Variants in ROBO2 observed in about 807,000 individuals in gnomAD.
The protein encoded by ROBO2 is roundabout homolog 2.
ROBO2 carries 53 observed loss-of-function variants against 160.8 expected under a neutral mutation model. The observed-to-expected ratio is 0.33, with a 90% CI of 0.26 to 0.41. The LOEUF (loss-of-function observed/expected upper bound fraction) is 0.41, where lower values mean the gene tolerates loss of function less well. ROBO2 is among the 10% of genes least tolerant of loss of function. The pLI is 1.00. For synonymous variants in ROBO2, 664 were observed against 611.7 expected, an observed-to-expected ratio of 1.09 and a Z score of -1.26; for missense variants, 1,577 against 1,722.4, an observed-to-expected ratio of 0.92 and a Z score of 1.49.
intron 2 of ROBO2, among the ~76,000 whole-genome samples, chr3:76,298,535 A>T (rs2107730809): frequency 6.6e-6 from 1 of 152,338 alleles, no homozygotes; most frequent in East Asian, 1.9e-4. Flanking sequence ...TAGATTCTAC[A>T]TCTTGGCACT....
chr3:76,924,304 CG>C (rs773385815), intron 2 of ROBO2, among the ~76,000 whole-genome samples: 1 of 152,120 alleles, frequency 6.6e-6, no homozygotes, highest in South Asian at 2.1e-4. Flanking sequence ...GATGAGAACA[CG>C]GGGGCGGCAT....
rs555881864 is a variant in ROBO2 at position 77,644,685 on chromosome 3, G to A, written c.3935-19G>A. 16 of 1,613,002 alleles carry A rather than the reference G, an allele frequency of 9.9e-6. No homozygotes were observed. The South Asian group carries it at 1.3e-4, about 13-fold the overall frequency. On this transcript the variant is annotated intron_variant, in intron 24 of 25. Transcript: ENST00000461745. ...ATGTTTCTGTTCAATTTAGCCTTTG[G>A]GTTTTTTTTCTTTTTCAGAGGAGGC...
At chr3:75,911,719 G>A (rs1295812535) in intron 1 of ROBO2, among the ~76,000 whole-genome samples, 7 of 151,464 alleles carry the variant, frequency 4.6e-5, no homozygotes, top group Non-Finnish European at 1.0e-4. Context: ...CACCATGCCC[G>A]GCTAATTTTT....
chr3:77,595,020 T>C, intron 17 of ROBO2, 122 bp from the exon 19 acceptor site: 1 of 742,442 alleles, frequency 1.3e-6, no homozygotes, highest in Admixed American at 2.2e-5. Flanking sequence ...ATGTTAATTA[T>C]ATTTTGTTAA....
chr3:77,609,937 T>C (rs2153697439), intron 21 of ROBO2, among the ~76,000 whole-genome samples: 1 of 150,684 alleles, frequency 6.6e-6, no homozygotes, highest in East Asian at 1.9e-4. Context: ...CAGTCAGTAA[T>C]ATTGACAACA....
At chr3:77,252,395 C>T (rs2090443025) in intron 2 of ROBO2, among the ~76,000 whole-genome samples, 1 of 152,030 alleles carries the variant, frequency 6.6e-6, no homozygotes, top group South Asian at 2.1e-4. Flanking sequence ...TTTAAATAAA[C>T]AAACAAAAAC....
chr3:77,190,594 C>T (rs1447450267), intron 2 of ROBO2, among the ~76,000 whole-genome samples: 1 of 151,996 alleles, frequency 6.6e-6, no homozygotes, highest in Non-Finnish European at 1.5e-5. Flanking sequence ...CAAGCAGGAT[C>T]TTGGCAGGCA....
chr3:76,541,627 G>A (rs946385680), intron 2 of ROBO2, among the ~76,000 whole-genome samples: 2 of 152,188 alleles, frequency 1.3e-5, no homozygotes, highest in African/African-American at 4.8e-5. Flanking sequence ...TGAGTGTTTT[G>A]TTGGATCCCA....
At chr3:77,322,743 GTTTA>G (rs1028661986) in intron 2 of ROBO2, among the ~76,000 whole-genome samples, 15 of 134,622 alleles carry the variant, frequency 1.1e-4, no homozygotes, top group African/African-American at 2.2e-4. Context: ...TATGTTATAT[GTTTA>G]TTTATATATA....
chr3:76,813,614 A>C (rs999031523), intron 2 of ROBO2, among the ~76,000 whole-genome samples: 2 of 152,156 alleles, frequency 1.3e-5, no homozygotes, highest in African/African-American at 2.4e-5. Flanking sequence ...GATAAGCAAA[A>C]ACATGTAAAT....
At chr3:77,324,455 A>G (rs1284392446) in intron 2 of ROBO2, among the ~76,000 whole-genome samples, 1 of 152,148 alleles carries the variant, frequency 6.6e-6, no homozygotes, top group Non-Finnish European at 1.5e-5. Context: ...GTCCAGTTGT[A>G]GGGAAAGTAG....
At chr3:77,379,438 G>A (rs188754355) in intron 2 of ROBO2, among the ~76,000 whole-genome samples, 2 of 151,870 alleles carry the variant, frequency 1.3e-5, no homozygotes, top group Admixed American at 6.6e-5. Context: ...TCTGGTTCGA[G>A]GGTTGCCTGA....
At chr3:77,588,916 G>C (rs1401366949) in exon 17 of ROBO2, 1 of 1,613,144 alleles carries the variant, frequency 6.2e-7, no homozygotes, top group Non-Finnish European at 8.5e-7. Context: ...AAGAGGAAGG[G>C]ACTCAGTAAT....
At chr3:77,050,305 TCC>T in intron 1 of ROBO2, among the ~76,000 whole-genome samples, 3 of 152,090 alleles carry the variant, frequency 2.0e-5, no homozygotes, top group African/African-American at 7.2e-5. Flanking sequence ...CATTTCACCT[TCC>T]TCATCTTAAG....
chr3:76,335,255 C>CACGGCTG (rs2108082213), intron 2 of ROBO2, among the ~76,000 whole-genome samples: 1 of 140,632 alleles, frequency 7.1e-6, no homozygotes, highest in South Asian at 2.3e-4. Context: ...GATCTCTGCT[C>CACGGCTG]ACGGCAACCT....
intron 1 of ROBO2, among the ~76,000 whole-genome samples, chr3:77,060,701 A>C (rs1001604230): frequency 6.6e-6 from 1 of 152,158 alleles, no homozygotes. Flanking sequence ...CTACCCCATC[A>C]TCTTATTTCA....
chr3:76,107,266 G>C (rs1032563483), intron 2 of ROBO2, among the ~76,000 whole-genome samples: 7 of 152,098 alleles, frequency 4.6e-5, no homozygotes, highest in African/African-American at 1.7e-4. Context: ...AGGTCGCATA[G>C]TAAAGTGAAT....
At chr3:76,835,987 C>T (rs2067657771) in intron 2 of ROBO2, among the ~76,000 whole-genome samples, 2 of 151,868 alleles carry the variant, frequency 1.3e-5, no homozygotes, top group Non-Finnish European at 2.9e-5. Flanking sequence ...ACTAGGTCTC[C>T]CCCATCTAAT....
chr3:75,996,434 C>T (rs142811246), intron 2 of ROBO2, among the ~76,000 whole-genome samples: 1 of 152,134 alleles, frequency 6.6e-6, no homozygotes, highest in African/African-American at 2.4e-5. Flanking sequence ...ATTCGTGTGG[C>T]CTCCCCAGCC....
Sources: gnomAD v4.1 joint callset for allele counts (sites outside exome capture counted in the v4.1 genomes callset) on GRCh38, gnomAD v4.1.1 for gene constraint, MANE v1.5 for transcripts, NCBI Gene and HGNC (gene_info 2026-07-23, HGNC 2026-07-21) for gene names.